The following RBFOX1 variants were observed in gnomAD, a reference collection of about 807,000 sequenced individuals.
RBFOX1 encodes RNA binding protein fox-1 homolog 1.
RBFOX1 carries 8 observed loss-of-function variants against 57.7 expected under a neutral mutation model. The ratio of observed to expected loss-of-function variants is 0.14; its 90% CI spans 0.08 to 0.25. The LOEUF is 0.25. Among genes scored for constraint, RBFOX1 ranks in the 10% least tolerant of loss-of-function variants. RBFOX1 has a pLI of 1.00. For missense variants in RBFOX1, 611 were observed against 548.5 expected (o/e 1.11, Z -1.14); for synonymous variants, 326 against 222.4 (o/e 1.47, Z -4.15).
intron 9 of RBFOX1, among the ~76,000 whole-genome samples, chr16:7,605,941 C>G (rs921853928): frequency 1.3e-5 from 2 of 151,506 alleles, no homozygotes; most frequent in East Asian, 2.0e-4. Context: ...CAGCTTCAAG[C>G]GATTCTCATG....
At chr16:5,858,404 T>C (rs1357933006) in intron 3 of RBFOX1, among the ~76,000 whole-genome samples, 1 of 152,194 alleles carries the variant, frequency 6.6e-6, no homozygotes, top group Non-Finnish European at 1.5e-5. Flanking sequence ...ACCGGCACTG[T>C]GACTGCTTTA....
chr16:7,159,708 C>G (rs1012275240), intron 4 of RBFOX1, among the ~76,000 whole-genome samples: 2 of 152,190 alleles, frequency 1.3e-5, no homozygotes, highest in African/African-American at 4.8e-5. Context: ...ACAAATGTGG[C>G]TGGCTAGTCT....
At chr16:7,682,614 T>A (rs11643813) in intron 14 of RBFOX1, among the ~76,000 whole-genome samples, 40,951 of 150,332 alleles carry the variant, frequency 0.27, 6,213 homozygotes, top group East Asian at 0.57. Context: ...TAATTTTTTT[T>A]AAAAAAAAGA....
intron 3 of RBFOX1, among the ~76,000 whole-genome samples, chr16:6,913,987 C>T (rs915262357): frequency 6.6e-5 from 10 of 152,178 alleles, no homozygotes; most frequent in East Asian, 1.9e-4. Context: ...GTATACATTG[C>T]ACTTGATGAG....
intron 4 of RBFOX1, among the ~76,000 whole-genome samples, chr16:7,321,103 A>ATACATATACATATACATG (rs2096537803): frequency 6.7e-6 from 1 of 150,126 alleles, no homozygotes; most frequent in East Asian, 2.0e-4. Flanking sequence ...ACATATACAT[A>ATACATATACATATACATG]TACATATACA....
intron 4 of RBFOX1, among the ~76,000 whole-genome samples, chr16:7,148,951 G>A (rs1261468588): frequency 2.0e-5 from 3 of 152,204 alleles, no homozygotes; most frequent in Admixed American, 6.5e-5. Context: ...TTCATTTCAA[G>A]AAGGCACAAA....
At chr16:7,623,787 C>G (rs1293535761) in intron 10 of RBFOX1, among the ~76,000 whole-genome samples, 9 of 152,160 alleles carry the variant, frequency 5.9e-5, no homozygotes, top group Non-Finnish European at 4.4e-5. Context: ...AGGCCTCTCT[C>G]CTTGGCTTGC....
chr16:6,153,402 C>T (rs539650958), intron 1 of RBFOX1, among the ~76,000 whole-genome samples: 19 of 152,198 alleles, frequency 1.2e-4, no homozygotes, highest in Admixed American at 1.1e-3. Flanking sequence ...AATATGGAAA[C>T]ACACAATTGC....
In RBFOX1 at chr16:7,664,147, TATAA is replaced by T. The variant is rs373420231; in HGVS notation, c.891-777_891-774del. On this transcript the variant is annotated intron_variant, in intron 12 of 15. Coordinates refer to ENST00000550418, the MANE Select transcript of RBFOX1 (RefSeq NM_018723.4). Reference sequence around the variant, plus strand: ...TTGTACATATAAGTACACAAATACATATAAATAAGTATACACATGCATATATACA... The same window carrying T: ...TTGTACATATAAGTACACAAATACATATAAGTATACACATGCATATATACA... Among the ~76,000 whole-genome samples the T allele has an allele frequency of 5.3e-4, 81 of 152,330 alleles. 1 individual carries two copies. The highest frequency in any genetic ancestry group is 1.4e-3 in the African/African-American group (59 of 41,568).
intron 3 of RBFOX1, among the ~76,000 whole-genome samples, chr16:6,675,016 G>T (rs954629553): frequency 6.6e-6 from 1 of 151,820 alleles, no homozygotes; most frequent in Non-Finnish European, 1.5e-5. Flanking sequence ...AGCCATTCTC[G>T]TGCCTCAGCC....
chr16:5,548,012 T>G (rs2045287110), intron 2 of RBFOX1, among the ~76,000 whole-genome samples: 1 of 151,336 alleles, frequency 6.6e-6, no homozygotes, highest in South Asian at 2.1e-4. Context: ...ATAAAAAAAA[T>G]TAACCGGGCG....
intron 4 of RBFOX1, among the ~76,000 whole-genome samples, chr16:7,191,469 T>C (rs2085370826): frequency 6.6e-6 from 1 of 152,158 alleles, no homozygotes; most frequent in Admixed American, 6.5e-5. Context: ...TTGATCACAG[T>C]GGAATGTAAA....
chr16:6,836,663 C>T (rs1457968656), intron 3 of RBFOX1, among the ~76,000 whole-genome samples: 2 of 152,130 alleles, frequency 1.3e-5, no homozygotes. Context: ...GGTGACAGTT[C>T]CTTTCTTATG....
chr16:6,696,839 G>C (rs148133188), intron 3 of RBFOX1, among the ~76,000 whole-genome samples: 268 of 152,164 alleles, frequency 1.8e-3, no homozygotes, highest in African/African-American at 6.2e-3. Context: ...TTTTCTTCAA[G>C]GTTGTGCTCT....
intron 4 of RBFOX1, among the ~76,000 whole-genome samples, chr16:7,424,743 T>G (rs2098593359): frequency 6.6e-6 from 1 of 152,178 alleles, no homozygotes; most frequent in South Asian, 2.1e-4. Context: ...GGGATCATAG[T>G]ATTATCCTAA....
At chr16:6,399,983 T>A (rs967462553) in intron 2 of RBFOX1, among the ~76,000 whole-genome samples, 2 of 152,160 alleles carry the variant, frequency 1.3e-5, no homozygotes, top group Non-Finnish European at 2.9e-5. Context: ...CACAATTCAA[T>A]GACCTCCTGT....
At chr16:6,143,266 G>C (rs141692496) in intron 1 of RBFOX1, among the ~76,000 whole-genome samples, 29 of 152,316 alleles carry the variant, frequency 1.9e-4, no homozygotes, top group African/African-American at 6.7e-4. Flanking sequence ...AGAGTTGAGA[G>C]CTGAGTTTTC....
At chr16:6,954,519 G>T (rs2081369972) in intron 3 of RBFOX1, among the ~76,000 whole-genome samples, 1 of 152,178 alleles carries the variant, frequency 6.6e-6, no homozygotes, top group Non-Finnish European at 1.5e-5. Flanking sequence ...AAAGGGGGTA[G>T]TTGGGATAAA....
intron 4 of RBFOX1, among the ~76,000 whole-genome samples, chr16:7,192,001 G>A (rs971024485): frequency 6.6e-6 from 1 of 152,176 alleles, no homozygotes; most frequent in Non-Finnish European, 1.5e-5. Context: ...GGTGATTAAT[G>A]TTCAACATCG....
Sources: allele counts gnomAD v4.1 joint callset (sites outside exome capture counted in the v4.1 genomes callset), GRCh38; gene constraint gnomAD v4.1.1; transcripts MANE v1.5; gene names NCBI Gene and HGNC (gene_info 2026-07-23, HGNC 2026-07-21).